The following MME variants were observed in gnomAD, a reference collection of about 807,000 sequenced individuals.
MME encodes neprilysin.
Under a neutral mutation model 113.2 loss-of-function variants are expected in MME, and 98 were observed. That is an observed-to-expected ratio of 0.87 (90% CI 0.74 to 1.02). The LOEUF is 1.02. Ranked by LOEUF, MME falls within the 50% of genes least tolerant of loss-of-function variation. MME has a pLI of 0.00. For missense variants in MME, 836 were observed against 896.0 expected (o/e 0.93, Z 0.86); for synonymous variants, 292 against 300.6 (o/e 0.97, Z 0.30).
intron 1 of MME, among the ~76,000 whole-genome samples, chr3:155,048,725 C>T (rs559345382): frequency 3.8e-4 from 58 of 151,890 alleles, no homozygotes; most frequent in Non-Finnish European, 7.2e-4. Flanking sequence ...CATGGTAGGC[C>T]TCTTGATCTG....
rs187858409 is a variant in MME, at chr3:155,042,677, A to T, written c.-11+18353A>T. 1.6e-4 allele frequency among the ~76,000 whole-genome samples: 24 copies of T among 152,020 alleles called. No homozygotes were observed. In the East Asian group the frequency reaches 4.3e-3, roughly 27 times the overall value. On this transcript the variant is annotated intron_variant, in intron 1 of 22. Coordinates refer to the MME transcript ENST00000492661. ...ATGCCCTCCCCACCATTGGATGTTA[A>T]CAAATGTTTTGAATTGTGTTAATCT... is the stretch of plus-strand genomic sequence containing the variant.
chr3:155,171,590 A>G (rs1297463855), intron 20 of MME, among the ~76,000 whole-genome samples: 1 of 152,214 alleles, frequency 6.6e-6, no homozygotes, highest in African/African-American at 2.4e-5. Flanking sequence ...TCCTGTCTTC[A>G]AAAGACCAGA....
intron 17 of MME, among the ~76,000 whole-genome samples, chr3:155,161,119 CA>C (rs1193830540): frequency 6.6e-6 from 1 of 152,032 alleles, no homozygotes; most frequent in Non-Finnish European, 1.5e-5. Context: ...CATAATATGA[CA>C]AAAATATTTT....
chr3:155,060,835 G>C (rs995033394), intron 1 of MME, among the ~76,000 whole-genome samples: 61 of 150,814 alleles, frequency 4.0e-4, no homozygotes, highest in Middle Eastern at 3.5e-3. Context: ...GAGGCAGAGA[G>C]AGAGAGAGAG....
chr3:155,072,468 CAG>C (rs1281688464), intron 1 of MME, among the ~76,000 whole-genome samples: 1 of 152,202 alleles, frequency 6.6e-6, no homozygotes, highest in African/African-American at 2.4e-5. Flanking sequence ...ATATTCTACA[CAG>C]AGTTTTCTTG....
intron 3 of MME, among the ~76,000 whole-genome samples, chr3:155,095,931 A>C (rs1285537255): frequency 6.6e-6 from 1 of 152,166 alleles, no homozygotes; most frequent in Non-Finnish European, 1.5e-5. Context: ...AAGTGATAGC[A>C]ATGAGGCCGG....
At chr3:155,165,012 CAT>C (rs1722988911) in intron 17 of MME, among the ~76,000 whole-genome samples, 1 of 152,140 alleles carries the variant, frequency 6.6e-6, no homozygotes, top group Non-Finnish European at 1.5e-5. Flanking sequence ...AAAGAAATAA[CAT>C]GTGCTACTCT....
At chr3:155,085,203 T>C in intron 3 of MME, 109 bp downstream of exon 3, 1 of 690,800 alleles carries the variant, frequency 1.4e-6, no homozygotes, top group South Asian at 1.9e-5. Flanking sequence ...TGTAGATCAA[T>C]TATTTATGTG....
In MME at chr3:155,057,264, G is replaced by A. The variant is rs892243568; in HGVS notation, c.-10-26894G>A. On this transcript the variant is annotated intron_variant, in intron 1 of 22. Transcript: ENST00000492661. ...CAAATTTACAAGAAAAAAACAAACA[G>A]CCCCATCAAAAAGTGGGCAAAGAAC... Among the ~76,000 whole-genome samples, 15 of 151,682 alleles carry A rather than the reference G, an allele frequency of 9.9e-5. No homozygotes were observed. The East Asian group carries it at 1.7e-3, about 18-fold the overall frequency.
At chr3:155,118,613 TTGAG>T (rs1475513249) in intron 7 of MME, 129 bp from the exon 8 acceptor site, 2 of 674,530 alleles carry the variant, frequency 3.0e-6, no homozygotes, top group Non-Finnish European at 5.4e-6. Context: ...TAGGTATTTA[TTGAG>T]TGTCTGATGG....
At chr3:155,126,968 T>C (rs137859378) in intron 8 of MME, among the ~76,000 whole-genome samples, 123 of 149,514 alleles carry the variant, frequency 8.2e-4, no homozygotes, top group African/African-American at 2.9e-3. Flanking sequence ...GATCGTGCCA[T>C]TGGACTCCAG....
At chr3:155,154,188 TG>T (rs1722149726) in intron 16 of MME, among the ~76,000 whole-genome samples, 1 of 152,090 alleles carries the variant, frequency 6.6e-6, no homozygotes, top group African/African-American at 2.4e-5. Context: ...TCAAGCATGG[TG>T]TTTTTTTTCT....
chr3:155,116,809 TATA>T (rs1718653640), intron 6 of MME, 50 bp downstream of exon 6: 1 of 1,565,564 alleles, frequency 6.4e-7, no homozygotes, highest in Admixed American at 1.7e-5. Flanking sequence ...AAATCTATGT[TATA>T]ATATCATTAG....
upstream of MME, among the ~76,000 whole-genome samples, chr3:155,078,289 G>A (rs1295246086): frequency 6.6e-6 from 1 of 152,190 alleles, no homozygotes; most frequent in Non-Finnish European, 1.5e-5. Context: ...ATTTGTGGGA[G>A]TGAAAACACC....
intron 3 of MME, among the ~76,000 whole-genome samples, chr3:155,093,281 T>C (rs1348956306): frequency 1.3e-5 from 2 of 152,156 alleles, no homozygotes; most frequent in Non-Finnish European, 2.9e-5. Flanking sequence ...TATTATTTAA[T>C]TATATTAGCA....
At chr3:155,075,469 C>T (rs1410006594), upstream of MME, among the ~76,000 whole-genome samples, 1 of 152,070 alleles carries the variant, frequency 6.6e-6, no homozygotes, top group Non-Finnish European at 1.5e-5. Context: ...TGTTATACTT[C>T]CTATATGTTC....
At chr3:155,086,995 G>GTTTTTTTTT (rs372206174) in intron 3 of MME, among the ~76,000 whole-genome samples, 2 of 65,494 alleles carry the variant, frequency 3.1e-5, no homozygotes, top group Non-Finnish European at 6.4e-5. Flanking sequence ...TGTTTTTTTT[G>GTTTTTTTTT]TTTTTTTTTG....
chr3:155,072,034 G>A (rs1370058972), intron 1 of MME, among the ~76,000 whole-genome samples: 3 of 151,882 alleles, frequency 2.0e-5, no homozygotes, highest in African/African-American at 4.8e-5. Flanking sequence ...GGTGGCGGGC[G>A]CCTGTAGTCC....
chr3:155,148,510 C>T lies in MME; in HGVS notation c.1498-40C>T, dbSNP rs199657102. On this transcript the variant is annotated intron_variant, in intron 15 of 22. Transcript: ENST00000360490. ...TTTTTAGCAAAAATTTAGAAGATACCGGTTTTAATATTTCTTCCCAAATCT... is the reference window on the plus strand; with the variant it reads ...TTTTTAGCAAAAATTTAGAAGATACTGGTTTTAATATTTCTTCCCAAATCT... 5.8e-4 allele frequency: 783 copies of T among 1,345,384 alleles called. 1 individual carries two copies. Among genetic ancestry groups the T allele is most frequent in the Non-Finnish European group, 7.7e-4 (726 of 940,812 alleles). The allele number at this position is 1,345,384 out of a possible 1,614,324, so 83.3% of individuals were successfully genotyped here. A position where few individuals can be genotyped will look rare whatever the true frequency, so the allele number is the denominator to read the frequency against.
Sources: gnomAD v4.1 joint callset for allele counts (sites outside exome capture counted in the v4.1 genomes callset) on GRCh38, gnomAD v4.1.1 for gene constraint, MANE v1.5 for transcripts, NCBI Gene and HGNC (gene_info 2026-07-23, HGNC 2026-07-21) for gene names.